The following ATP8B4 variants were observed in gnomAD, a reference collection of about 807,000 sequenced individuals.
ATP8B4 encodes ATPase phospholipid transporting 8B4 (putative).
ATP8B4 carries 133 observed loss-of-function variants against 145.6 expected under a neutral mutation model. The ratio of observed to expected loss-of-function variants is 0.91; its 90% confidence interval spans 0.79 to 1.05. The LOEUF is 1.05. ATP8B4 is among the 50% of genes least tolerant of loss of function. The pLI is 0.00. For synonymous variants in ATP8B4, 507 were observed against 492.9 expected, an observed-to-expected ratio of 1.03 and a Z score of -0.38; for missense variants, 1,458 against 1,425.2, an observed-to-expected ratio of 1.02 and a Z score of -0.37.
intron 2 of ATP8B4, among the ~76,000 whole-genome samples, chr15:50,104,878 C>CACACACACACACAG (rs796448684): frequency 1.3e-4 from 20 of 150,994 alleles, no homozygotes; most frequent in African/African-American, 4.6e-4. Context: ...CACACACACA[C>CACACACACACACAG]ACACACACAC....
At chr15:50,111,279 G>C (rs1211017963) in intron 1 of ATP8B4, among the ~76,000 whole-genome samples, 1 of 152,190 alleles carries the variant, frequency 6.6e-6, no homozygotes, top group African/African-American at 2.4e-5. Flanking sequence ...TGCTCACCAA[G>C]CAACCTGCTG....
chr15:49,883,765 A>G (rs1407776670), intron 23 of ATP8B4, among the ~76,000 whole-genome samples: 3 of 152,160 alleles, frequency 2.0e-5, no homozygotes, highest in East Asian at 1.9e-4. Flanking sequence ...TATACCTACT[A>G]TGTACCCACA....
At chr15:49,933,700 A>G (rs1255406793) in intron 15 of ATP8B4, among the ~76,000 whole-genome samples, 2 of 152,084 alleles carry the variant, frequency 1.3e-5, no homozygotes, top group African/African-American at 4.8e-5. Context: ...TTACAGTCAA[A>G]TGTGGTGCTC....
chr15:49,881,007 G>A (rs1425105224), intron 23 of ATP8B4, among the ~76,000 whole-genome samples: 2 of 152,106 alleles, frequency 1.3e-5, no homozygotes, highest in African/African-American at 4.8e-5. Flanking sequence ...AGCTACTCGG[G>A]AGGCTGAGGC....
At chr15:49,943,789 T>C (rs1384936541) in intron 14 of ATP8B4, among the ~76,000 whole-genome samples, 2 of 152,134 alleles carry the variant, frequency 1.3e-5, no homozygotes, top group Non-Finnish European at 2.9e-5. Flanking sequence ...TGAAAGTCAT[T>C]GGTAAAGGTA....
At chr15:50,042,503 A>T (rs1223499149) in intron 5 of ATP8B4, among the ~76,000 whole-genome samples, 1 of 152,148 alleles carries the variant, frequency 6.6e-6, no homozygotes, top group African/African-American at 2.4e-5. Flanking sequence ...TCTTTCACAC[A>T]TCCCACCTCT....
intron 14 of ATP8B4, among the ~76,000 whole-genome samples, chr15:49,940,172 A>G (rs2042050698): frequency 6.6e-6 from 1 of 152,202 alleles, no homozygotes; most frequent in African/African-American, 2.4e-5. Flanking sequence ...TGGACTGGAT[A>G]AAGAAAATGT....
Position 49,920,254 on chromosome 15 carries a change from C to T in ATP8B4, c.1915G>A (p.Asp639Asn). Residue 639 changes from aspartate to asparagine, a missense_variant, in exon 18 of 28, where the codon GAT becomes AAT. Transcript: ENST00000284509. ...IAGLYEEIER[D>N]LMLLGATAVE... The stretch of plus-strand genomic sequence containing the variant: ...TGCTTCTAAACTCATACCATCAAAT[C>T]TCTTTCAATTTCTTCATATAGCCCA... The T allele has an allele frequency of 1.2e-6, 2 of 1,613,944 alleles. No homozygotes were observed. The highest frequency in any genetic ancestry group is 2.2e-5 in the East Asian group (1 of 44,892).
intron 1 of ATP8B4, among the ~76,000 whole-genome samples, chr15:50,135,221 T>G (rs1439494739): frequency 6.6e-6 from 1 of 152,188 alleles, no homozygotes; most frequent in Non-Finnish European, 1.5e-5. Context: ...TCTCTAAACT[T>G]TCTCAGTTTT....
Position 49,865,372 on chromosome 15 carries a change from T to C in ATP8B4, c.3166+974A>G, listed in dbSNP as rs7178916. Among the ~76,000 whole-genome samples, 1,109 of 152,318 alleles carry C rather than the reference T, an allele frequency of 7.3e-3. 11 individuals are homozygous for C. Among genetic ancestry groups the C allele is most frequent in the African/African-American group, 0.026 (1,063 of 41,582 alleles). On this transcript the variant is annotated intron_variant, in intron 26 of 27. Transcript: ENST00000284509. Reference sequence around the variant, plus strand: ...TCTGTATCCTTTGTAATATCCTTTATAGTAAACCAGTAAATGGGTCTCCCT... The same window carrying C: ...TCTGTATCCTTTGTAATATCCTTTACAGTAAACCAGTAAATGGGTCTCCCT...
intron 23 of ATP8B4, among the ~76,000 whole-genome samples, chr15:49,890,877 G>C (rs1251915243): frequency 6.6e-6 from 1 of 152,176 alleles, no homozygotes; most frequent in Non-Finnish European, 1.5e-5. Context: ...TGTGGGGTGT[G>C]GCTGGGGAAC....
At chr15:49,935,017 A>C (rs2041617992) in intron 14 of ATP8B4, among the ~76,000 whole-genome samples, 1 of 150,434 alleles carries the variant, frequency 6.6e-6, no homozygotes. Context: ...TTGATTCTAA[A>C]GTTACAAAAG....
intron 13 of ATP8B4, among the ~76,000 whole-genome samples, chr15:49,970,301 G>A (rs4349087): frequency 0.37 from 57,006 of 152,058 alleles, 11,028 homozygotes; most frequent in South Asian, 0.5. Context: ...GAAATAAAGG[G>A]TATTCAGATA....
At chr15:49,961,856 C>A in intron 14 of ATP8B4, 121 bp downstream of exon 14, 1 of 765,562 alleles carries the variant, frequency 1.3e-6, no homozygotes, top group Non-Finnish European at 2.1e-6. Context: ...TTTTTTAATG[C>A]TATGCATTAA....
chr15:49,933,909 A>G, intron 15 of ATP8B4, 108 bp downstream of exon 15: 1 of 1,213,566 alleles, frequency 8.2e-7, no homozygotes, highest in Non-Finnish European at 1.1e-6. Context: ...ACAAAAAACA[A>G]GGCTCACTGC....
At chr15:49,927,183 A>G (rs2040802853) in intron 16 of ATP8B4, among the ~76,000 whole-genome samples, 1 of 152,134 alleles carries the variant, frequency 6.6e-6, no homozygotes, top group African/African-American at 2.4e-5. Context: ...AAAATCCTTT[A>G]TAGAAATCAA....
intron 20 of ATP8B4, among the ~76,000 whole-genome samples, chr15:49,902,682 T>C (rs2153434177): frequency 6.6e-6 from 1 of 152,314 alleles, no homozygotes; most frequent in East Asian, 1.9e-4. Flanking sequence ...ATCATTGTTG[T>C]AAGTGAGAGG....
At chr15:50,160,015 CTTTTTTTTT>C (rs35773416) in intron 1 of ATP8B4, among the ~76,000 whole-genome samples, 31 of 20,096 alleles carry the variant, frequency 1.5e-3, no homozygotes, top group Non-Finnish European at 2.0e-3. Flanking sequence ...CAGGTCCTGG[CTTTTTTTTT>C]TTTTTTTTTT....
intron 3 of ATP8B4, among the ~76,000 whole-genome samples, chr15:50,052,195 C>G (rs149830615): frequency 6.6e-6 from 1 of 152,352 alleles, no homozygotes; most frequent in African/African-American, 2.4e-5. Flanking sequence ...ACAGTCCAAT[C>G]TGAGTACAGT....
Sources: allele counts gnomAD v4.1 joint callset (sites outside exome capture counted in the v4.1 genomes callset), GRCh38; gene constraint gnomAD v4.1.1; transcripts MANE v1.5; gene names NCBI Gene and HGNC (gene_info 2026-07-23, HGNC 2026-07-21).